Variants in CPSF2 observed in about 807,000 individuals in gnomAD.
The protein encoded by CPSF2 is cleavage and polyadenylation specificity factor subunit 2.
Under a neutral mutation model 84.2 loss-of-function variants are expected in CPSF2, and 51 were observed. That is an observed-to-expected ratio of 0.61 (90% CI 0.48 to 0.77). The LOEUF is 0.77. Ranked by LOEUF, CPSF2 falls within the 30% of genes least tolerant of loss-of-function variation. CPSF2 has a pLI of 0.00. For synonymous variants in CPSF2, 286 were observed against 311.9 expected (o/e 0.92, Z 0.87); for missense variants, 641 against 929.4 (o/e 0.69, Z 4.03).
intron 7 of CPSF2, 144 bp downstream of exon 7, chr14:92,138,491 G>A (rs1333430709): frequency 1.1e-5 from 5 of 440,474 alleles, no homozygotes; most frequent in Middle Eastern, 6.1e-4. Flanking sequence ...GTGAAGTGGC[G>A]CGATCTCGGC....
Position 92,161,784 on chromosome 14 carries a change from GA to G in CPSF2, c.*45del. 2.6e-6 allele frequency: 3 copies of G among 1,132,552 alleles called. No individual in the cohort carries two copies. Among genetic ancestry groups the G allele is most frequent in the South Asian group, 1.5e-5 (1 of 66,436 alleles). The allele number at this position is 1,132,552 out of a possible 1,614,324, so 70.2% of individuals were successfully genotyped here. ...AGAAGTATCTGCTTGACCTTTCTAA[GA>G]AAAAGGGATTCTTATCTTACTCTGA... On this transcript the variant is annotated 3_prime_UTR_variant, in exon 16 of 16. Transcript: ENST00000298875.
Position 92,142,052 on chromosome 14 carries a change from G to A in CPSF2, c.662-112G>A, listed in dbSNP as rs555727009. 7.6e-5 allele frequency: 62 copies of A among 818,578 alleles called. No homozygotes were observed. In the East Asian group the frequency reaches 1.7e-3, roughly 22 times the overall value. The allele number at this position is 818,578 out of a possible 1,614,324, so 50.7% of individuals were successfully genotyped here. On this transcript the variant is annotated intron_variant, in intron 7 of 15. Transcript: ENST00000298875. ...TCATTTTGTACTTGGCCTAGTAGTT[G>A]CTTATTTGTAAATTATAGTCTTTCT...
rs2069438135 is a variant in CPSF2 at position 92,165,854 on chromosome 14, C to CTTTTGTT, written c.*4114_*4115insGTTTTTT. ...CAGTTCTTTGTGCTTGGTTTTATAT[C>CTTTTGTT]TTTTTTTTTTTTTTTTTTTTTTTTT... On this transcript the variant is annotated 3_prime_UTR_variant, in exon 16 of 16. Coordinates refer to ENST00000298875, the MANE Select transcript of CPSF2 (RefSeq NM_017437.3). 5.9e-5 allele frequency: 3 copies of CTTTTGTT among 50,622 alleles called. No individual in the cohort carries two copies. The highest frequency in any genetic ancestry group is 2.8e-4 in the African/African-American group (3 of 10,756). 3.1% of individuals were successfully genotyped at this position (50,622 alleles called of 1,614,324 possible).
chr14:92,133,133 C>T (rs1327974286), intron 3 of CPSF2, among the ~76,000 whole-genome samples: 5 of 150,292 alleles, frequency 3.3e-5, no homozygotes, highest in African/African-American at 1.2e-4. Context: ...TAAAAATCAA[C>T]TTATGGCCGG....
intron 9 of CPSF2, among the ~76,000 whole-genome samples, chr14:92,150,374 G>A (rs1355568386): frequency 3.3e-5 from 5 of 151,488 alleles, no homozygotes; most frequent in African/African-American, 4.9e-5. Flanking sequence ...CACCTGCCTC[G>A]GCCTCCCAAA....
At chr14:92,142,961 A>T in intron 8 of CPSF2, 43 bp from the exon 9 acceptor site, 3 of 1,458,194 alleles carry the variant, frequency 2.1e-6, no homozygotes, top group African/African-American at 1.4e-5. Flanking sequence ...TTGAAGTTAT[A>T]ATATAGTATT....
chr14:92,163,272 C>A lies in CPSF2; in HGVS notation c.*1528C>A, dbSNP rs1241347257. 1 of 152,270 alleles carries A rather than the reference C, an allele frequency of 6.6e-6. No individual in the cohort carries two copies. The highest frequency in any genetic ancestry group is 1.5e-5 in the Non-Finnish European group (1 of 68,028). The allele number at this position is 152,270 out of a possible 1,614,324, so 9.4% of individuals were successfully genotyped here. ...TGGAACAACCCAGTAATATCAGACT[C>A]GAATTACTATTTCATTCTATTTCAA... On this transcript the variant is annotated 3_prime_UTR_variant, in exon 16 of 16. Transcript: ENST00000298875.
At position 92,138,240 on chromosome 14, in the gene CPSF2, A is replaced by G. The variant is rs1161861129; in HGVS notation, c.554A>G (p.Asn185Ser). ...DFNHKREIHLNGCSLEMLSRP... is the reference protein window; with the variant it reads ...DFNHKREIHLSGCSLEMLSRP... Reference sequence around the variant, plus strand: ...CTTAAACTTTCTTATAGCCATTTAAATGGATGTTCCCTGGAAATGCTAAGC... The same window carrying G: ...CTTAAACTTTCTTATAGCCATTTAAGTGGATGTTCCCTGGAAATGCTAAGC... Residue 185 changes from asparagine to serine, a missense_variant, in exon 7 of 16, where the codon AAT becomes AGT. This residue lies in a region of CPSF2 where 211 missense variants were observed against 375.7 expected (regional missense o/e 0.56). Transcript: ENST00000298875. The G allele has an allele frequency of 6.3e-7, 1 of 1,577,240 alleles. No homozygotes were observed.
chr14:92,157,752 C>A lies in CPSF2; in HGVS notation c.1689C>A (p.Ile563=), dbSNP rs367556675. ...INQMKPRQLI[I]VHGPPEASQD... Reference sequence around the variant, plus strand: ...AGATGAAACCACGACAGTTGATCATCGTCCATGGCCCACCAGAGGCCAGTC... The same window carrying A: ...AGATGAAACCACGACAGTTGATCATAGTCCATGGCCCACCAGAGGCCAGTC... Residue 563 remains isoleucine (I), a synonymous_variant, in exon 13 of 16, where the codon ATC becomes ATA. Transcript: ENST00000298875. This position sits in a 1 kb window ranked among gnomAD's most constrained non-coding sequence, Gnocchi z 4.0. 2.5e-6 allele frequency: 4 copies of A among 1,614,040 alleles called. No homozygotes were observed. The East Asian group carries it at 8.9e-5, about 36-fold the overall frequency.
At chr14:92,126,766 T>C (rs1434472885) in intron 2 of CPSF2, among the ~76,000 whole-genome samples, 3 of 152,174 alleles carry the variant, frequency 2.0e-5, no homozygotes, top group South Asian at 2.1e-4. Context: ...ATTGCACCAC[T>C]GCACTCCAGC....
rs2069384419 is a variant in CPSF2, at chr14:92,162,230, C to G, written c.*486C>G. On this transcript the variant is annotated 3_prime_UTR_variant, in exon 16 of 16. Transcript: ENST00000298875. The stretch of plus-strand genomic sequence containing the variant: ...ACTTTTAAAAGCATACGTGCTATGA[C>G]TCTCTCCAGTTTGAATATGCAATTG... The G allele has an allele frequency of 6.6e-6, 1 of 152,524 alleles. No homozygotes were observed. Among genetic ancestry groups the G allele is most frequent in the South Asian group, 2.1e-4 (1 of 4,834 alleles). 9.4% of individuals were successfully genotyped at this position (152,524 alleles called of 1,614,324 possible).
At position 92,154,443 on chromosome 14, in the gene CPSF2, T is replaced by C; in HGVS notation, c.1226T>C (p.Leu409Pro). The C allele has an allele frequency of 6.2e-7, 1 of 1,605,530 alleles. No individual in the cohort carries two copies. The highest frequency in any genetic ancestry group is 8.5e-7 in the Non-Finnish European group (1 of 1,176,330). Residue 409 changes from leucine (L) to proline (P), a missense_variant, in exon 10 of 16, where the codon CTT becomes CCT. Transcript: ENST00000298875. ...CTAAAGAAAGAAGCTGCCAAAAAGC[T>C]TGAGCAGTCAAAAGAGTGAGTCATT... is the stretch of plus-strand genomic sequence containing the variant. ...EKLKKEAAKK[L>P]EQSKEADIDS...
intron 9 of CPSF2, among the ~76,000 whole-genome samples, chr14:92,153,824 A>C (rs1595064441): frequency 7.3e-6 from 1 of 136,382 alleles, no homozygotes; most frequent in African/African-American, 2.8e-5. Flanking sequence ...CACTTTAACC[A>C]CCTGAGTAGC....
intron 11 of CPSF2, among the ~76,000 whole-genome samples, chr14:92,156,124 C>G (rs1414452044): frequency 6.6e-6 from 1 of 152,126 alleles, no homozygotes; most frequent in African/African-American, 2.4e-5. Context: ...CACATCTCCA[C>G]TAAAAATACA....
At position 92,121,983 on chromosome 14, in the gene CPSF2, C is replaced by G. The variant is rs2068772890; in HGVS notation, c.-239C>G. 5 of 739,062 alleles carry G rather than the reference C, an allele frequency of 6.8e-6. No individual in the cohort carries two copies. The highest frequency in any genetic ancestry group is 1.1e-5 in the Non-Finnish European group (5 of 452,220). The allele number at this position is 739,062 out of a possible 1,614,324, so 45.8% of individuals were successfully genotyped here. A position where few individuals can be genotyped will look rare whatever the true frequency, so the allele number is the denominator to read the frequency against. On this transcript the variant is annotated 5_prime_UTR_variant, in exon 1 of 16. Transcript: ENST00000298875. ...TCGTCTCCGCCGCTAGTCTCCAGCT[C>G]CAAAATGGCGGCTGCCACTGTGGGG...
At chr14:92,129,619 G>A (rs930136014) in intron 2 of CPSF2, among the ~76,000 whole-genome samples, 8 of 152,276 alleles carry the variant, frequency 5.3e-5, no homozygotes, top group African/African-American at 1.9e-4. Context: ...CTGAAATGTT[G>A]CTGTGGAGTT....
At chr14:92,128,727 C>T (rs1332405344) in intron 2 of CPSF2, among the ~76,000 whole-genome samples, 1 of 152,180 alleles carries the variant, frequency 6.6e-6, no homozygotes, top group African/African-American at 2.4e-5. Flanking sequence ...AGAGATACCA[C>T]TGACCCCAGA....
intron 7 of CPSF2, among the ~76,000 whole-genome samples, chr14:92,140,657 C>T (rs145942047): frequency 0.012 from 1,844 of 151,932 alleles, 39 homozygotes; most frequent in African/African-American, 0.042. Flanking sequence ...TGGTCTCGAT[C>T]TCTTGACCTC....
intron 1 of CPSF2, among the ~76,000 whole-genome samples, chr14:92,124,959 G>A (rs1420410733): frequency 6.6e-6 from 1 of 152,122 alleles, no homozygotes; most frequent in Non-Finnish European, 1.5e-5. Flanking sequence ...AATTTGTAAG[G>A]AGGTGGAACA....
Sources: gnomAD v4.1 joint callset for allele counts (sites outside exome capture counted in the v4.1 genomes callset) on GRCh38, gnomAD v4.1.1 for gene constraint, gnomAD v4.1.1 regional missense constraint, Gnocchi (gnomAD v3.1) non-coding constraint, MANE v1.5 for transcripts, NCBI Gene and HGNC (gene_info 2026-07-23, HGNC 2026-07-21) for gene names.